The following LGSN variants were observed in gnomAD, a reference collection of about 807,000 sequenced individuals.
The protein encoded by LGSN is lengsin.
LGSN carries 21 observed loss-of-function variants against 19.5 expected under a neutral mutation model. The ratio of observed to expected loss-of-function variants is 1.07; its 90% confidence interval spans 0.76 to 1.55. The LOEUF is 1.55. Among genes scored for constraint, LGSN ranks in the 40% most tolerant of loss-of-function variants. LGSN has a pLI of 0.00. For missense variants in LGSN, 673 were observed against 608.5 expected (o/e 1.11, Z -1.12); for synonymous variants, 257 against 215.6 (o/e 1.19, Z -1.68).
chr6:63,328,592 G>C, the LGSN span, among the ~76,000 whole-genome samples: 1 of 152,198 alleles, frequency 6.6e-6, no homozygotes, highest in South Asian at 2.1e-4. Flanking sequence ...CCAGCCTTTT[G>C]CTACTACATC....
At chr6:63,389,401 G>T in the LGSN span, among the ~76,000 whole-genome samples, 1 of 152,118 alleles carries the variant, frequency 6.6e-6, no homozygotes, top group African/African-American at 2.4e-5. Flanking sequence ...ACAAGTAATA[G>T]AAACTACACT....
chr6:63,503,473 C>A, the LGSN span, among the ~76,000 whole-genome samples: 108 of 152,324 alleles, frequency 7.1e-4, no homozygotes, highest in African/African-American at 1.2e-3. Context: ...GGACTCGCCC[C>A]GGAATAGATT....
chr6:63,370,448 A>G, the LGSN span, among the ~76,000 whole-genome samples: 5 of 152,144 alleles, frequency 3.3e-5, no homozygotes, highest in African/African-American at 9.7e-5. Context: ...AGATTCCCAC[A>G]CTCATGTAAG....
At chr6:63,310,545 TAAAAGATA>T (rs890986298) in intron 1 of LGSN, among the ~76,000 whole-genome samples, 7 of 152,090 alleles carry the variant, frequency 4.6e-5, no homozygotes, top group African/African-American at 1.7e-4. Flanking sequence ...GAAATGGAAT[TAAAAGATA>T]AAAATATAAA....
chr6:63,543,829 A>T, the LGSN span, among the ~76,000 whole-genome samples: 4 of 152,224 alleles, frequency 2.6e-5, no homozygotes, highest in Non-Finnish European at 4.4e-5. Flanking sequence ...CAGTGTAATA[A>T]GAGTTTCTTT....
chr6:63,392,423 G>T, the LGSN span: 1 of 152,346 alleles, frequency 6.6e-6, no homozygotes, highest in East Asian at 1.9e-4. Flanking sequence ...GTCTCAGGGG[G>T]CATCACTGCT....
At chr6:63,325,772 A>C in the LGSN span, among the ~76,000 whole-genome samples, 1 of 152,118 alleles carries the variant, frequency 6.6e-6, no homozygotes, top group Non-Finnish European at 1.5e-5. Context: ...TGGCTTCAGG[A>C]GTGAAGCTTC....
the LGSN span, among the ~76,000 whole-genome samples, chr6:63,380,445 C>T: frequency 6.6e-6 from 1 of 152,200 alleles, no homozygotes; most frequent in African/African-American, 2.4e-5. Flanking sequence ...AGGGCACAGA[C>T]CTATTTTTAT....
the LGSN span, among the ~76,000 whole-genome samples, chr6:63,417,426 T>G: frequency 2.0e-5 from 3 of 152,242 alleles, no homozygotes; most frequent in African/African-American, 7.2e-5. Flanking sequence ...CTCTTTATTC[T>G]CTCAGTCCTA....
chr6:63,376,887 C>A, the LGSN span, among the ~76,000 whole-genome samples: 2 of 152,294 alleles, frequency 1.3e-5, no homozygotes, highest in Non-Finnish European at 2.9e-5. Flanking sequence ...TGTCCAAACA[C>A]AATTCAGCTG....
At position 63,280,601 on chromosome 6, in the gene LGSN, C is replaced by T; in HGVS notation, c.950G>A (p.Ser317Asn). 1 of 1,614,082 alleles carries T rather than the reference C, an allele frequency of 6.2e-7. No homozygotes were observed. Among genetic ancestry groups the T allele is most frequent in the Non-Finnish European group, 8.5e-7 (1 of 1,180,040 alleles). The change falls in exon 4 of 4, where the codon AGT becomes AAT. Residue 317 changes from serine to asparagine, a missense_variant. By Grantham distance (46) the Ser-to-Asn change is conservative (BLOSUM62 1). Transcript: ENST00000370657. Reference sequence around the variant, plus strand: ...TTTCTTCCTATCGACATCCCAGAGACTATGAGACAAAATCCCTGAATCACA... The same window carrying T: ...TTTCTTCCTATCGACATCCCAGAGATTATGAGACAAAATCCCTGAATCACA... ...GFCDSGILSH[S>N]LWDVDRKKNM...
At chr6:63,325,716 C>T in the LGSN span, among the ~76,000 whole-genome samples, 1 of 152,118 alleles carries the variant, frequency 6.6e-6, no homozygotes, top group African/African-American at 2.4e-5. Context: ...TTCTGATGTT[C>T]AGATGTGTTC....
chr6:63,440,131 A>G, the LGSN span, among the ~76,000 whole-genome samples: 1 of 152,204 alleles, frequency 6.6e-6, no homozygotes, highest in African/African-American at 2.4e-5. Context: ...TTTGTATGTC[A>G]GTATTGATAG....
the LGSN span, chr6:63,443,690 C>G: frequency 8.3e-6 from 3 of 360,918 alleles, no homozygotes; most frequent in Non-Finnish European, 1.2e-5. Flanking sequence ...CTGCCATCAT[C>G]AAATGGCTGC....
chr6:63,388,039 T>G, the LGSN span, among the ~76,000 whole-genome samples: 1 of 150,734 alleles, frequency 6.6e-6, no homozygotes, highest in Non-Finnish European at 1.5e-5. Context: ...CTAATTTTTT[T>G]GTTTTTTTTT....
chr6:63,348,650 C>T, the LGSN span, among the ~76,000 whole-genome samples: 2 of 151,096 alleles, frequency 1.3e-5, no homozygotes, highest in East Asian at 3.9e-4. Flanking sequence ...ATCTGGCCTA[C>T]AGTAATCTGT....
the LGSN span, among the ~76,000 whole-genome samples, chr6:63,326,605 G>C: frequency 6.6e-6 from 1 of 152,200 alleles, no homozygotes; most frequent in Admixed American, 6.5e-5. Flanking sequence ...CCCACAGGAA[G>C]GCAGCTAAGG....
At chr6:63,288,284 A>AT (rs1438204444) in intron 2 of LGSN, among the ~76,000 whole-genome samples, 1 of 150,048 alleles carries the variant, frequency 6.7e-6, no homozygotes, top group Non-Finnish European at 1.5e-5. Context: ...AATAATATTC[A>AT]TTCACTCATC....
chr6:63,368,761 G>T, the LGSN span, among the ~76,000 whole-genome samples: 2 of 152,116 alleles, frequency 1.3e-5, no homozygotes, highest in African/African-American at 4.8e-5. Context: ...TTTTTATCTT[G>T]TTTTGTTTAC....
Sources: allele counts gnomAD v4.1 joint callset (sites outside exome capture counted in the v4.1 genomes callset), GRCh38; gene constraint gnomAD v4.1.1; transcripts MANE v1.5; gene names NCBI Gene and HGNC (gene_info 2026-07-23, HGNC 2026-07-21).